RABGAP1L: variants seen among roughly 807,000 people sequenced by gnomAD.
RABGAP1L encodes rab GTPase-activating protein 1-like.
RABGAP1L carries 63 observed loss-of-function variants against 137.7 expected under a neutral mutation model. The ratio of observed to expected loss-of-function variants is 0.46; its 90% CI spans 0.37 to 0.56. RABGAP1L has a LOEUF of 0.56. Ranked by LOEUF, RABGAP1L falls within the 20% of genes least tolerant of loss-of-function variation. RABGAP1L has a pLI of 0.00. For synonymous variants in RABGAP1L, 431 were observed against 433.7 expected (o/e 0.99, Z 0.08); for missense variants, 1,095 against 1,244.0 (o/e 0.88, Z 1.80).
intron 13 of RABGAP1L, chr1:174,544,896 AC>A: frequency 5.0e-6 from 1 of 200,092 alleles, no homozygotes; most frequent in South Asian, 7.1e-5. Context: ...CCTGGGTATC[AC>A]CAGTGGAAGC....
At chr1:174,534,427 T>C (rs1004460923) in intron 13 of RABGAP1L, among the ~76,000 whole-genome samples, 1 of 151,966 alleles carries the variant, frequency 6.6e-6, no homozygotes, top group African/African-American at 2.4e-5. Context: ...CCTATGATGG[T>C]TTAATTTATA....
At chr1:174,718,837 C>CTTTT (rs11337437) in intron 17 of RABGAP1L, among the ~76,000 whole-genome samples, 19 of 106,406 alleles carry the variant, frequency 1.8e-4, no homozygotes, top group Admixed American at 1.4e-3. Context: ...TTTTCTTTTC[C>CTTTT]TTTTTTTTTT....
At chr1:174,454,675 G>A (rs1376994368) in intron 13 of RABGAP1L, among the ~76,000 whole-genome samples, 6 of 150,612 alleles carry the variant, frequency 4.0e-5, no homozygotes, top group African/African-American at 9.8e-5. Flanking sequence ...TCAGCCTCCC[G>A]AGTAGCTGAG....
At chr1:174,283,461 G>A (rs1344699868) in intron 10 of RABGAP1L, among the ~76,000 whole-genome samples, 2 of 151,698 alleles carry the variant, frequency 1.3e-5, no homozygotes, top group Non-Finnish European at 2.9e-5. Context: ...GACTGAGAAT[G>A]CCTGAATATG....
chr1:174,338,182 C>T (rs1436919922), intron 11 of RABGAP1L, among the ~76,000 whole-genome samples: 1 of 152,106 alleles, frequency 6.6e-6, no homozygotes, highest in African/African-American at 2.4e-5. Context: ...TGAATTTTCT[C>T]CCCTGTGATT....
intron 20 of RABGAP1L, among the ~76,000 whole-genome samples, chr1:174,959,794 A>G (rs993833195): frequency 6.6e-6 from 1 of 152,174 alleles, no homozygotes; most frequent in Non-Finnish European, 1.5e-5. Flanking sequence ...TACATCTTCA[A>G]GGTGGCAGTC....
intron 18 of RABGAP1L, among the ~76,000 whole-genome samples, chr1:174,782,408 A>G (rs1443304847): frequency 2.0e-5 from 3 of 152,134 alleles, no homozygotes; most frequent in Non-Finnish European, 4.4e-5. Flanking sequence ...ATTTTTGTAC[A>G]TTGATTTTGT....
chr1:174,925,354 CAAAAAAAA>C (rs545791515), intron 19 of RABGAP1L, among the ~76,000 whole-genome samples: 1 of 54,782 alleles, frequency 1.8e-5, no homozygotes, highest in Non-Finnish European at 3.8e-5. Flanking sequence ...GACTCCGTCT[CAAAAAAAA>C]AAAAAAAAAA....
intron 19 of RABGAP1L, among the ~76,000 whole-genome samples, chr1:174,827,018 G>A (rs1691629770): frequency 6.6e-6 from 1 of 152,210 alleles, no homozygotes; most frequent in African/African-American, 2.4e-5. Flanking sequence ...GATGTTGGCA[G>A]GGTTGATTTC....
intron 13 of RABGAP1L, among the ~76,000 whole-genome samples, chr1:174,528,130 A>G (rs1207218870): frequency 6.6e-6 from 1 of 151,912 alleles, no homozygotes; most frequent in African/African-American, 2.4e-5. Flanking sequence ...TGAAGAGTTT[A>G]ATTCATTTAT....
intron 13 of RABGAP1L, among the ~76,000 whole-genome samples, chr1:174,549,369 A>G (rs1332418748): frequency 6.6e-6 from 1 of 152,186 alleles, no homozygotes; most frequent in Non-Finnish European, 1.5e-5. Context: ...CTTTCAGAGG[A>G]TGGGAAAGTG....
At chr1:174,874,545 C>T in intron 19 of RABGAP1L, 1 of 945,734 alleles carries the variant, frequency 1.1e-6, no homozygotes, top group Non-Finnish European at 1.3e-6. Flanking sequence ...CACACCACAG[C>T]CCTTGATCTC....
At chr1:174,161,337 G>A (rs976355072) in intron 1 of RABGAP1L, among the ~76,000 whole-genome samples, 2 of 151,880 alleles carry the variant, frequency 1.3e-5, no homozygotes, top group African/African-American at 4.8e-5. Context: ...CCGCCTCCCG[G>A]GTTCAAGCGA....
chr1:174,218,305 T>G (rs1319935381), intron 1 of RABGAP1L, among the ~76,000 whole-genome samples: 1 of 152,146 alleles, frequency 6.6e-6, no homozygotes, highest in African/African-American at 2.4e-5. Flanking sequence ...TACTAGTATG[T>G]AAGCCCCAGA....
chr1:174,778,000 TATTTTTCCAAATTTGATGAAA>T (rs1238831588), intron 18 of RABGAP1L, among the ~76,000 whole-genome samples: 47 of 152,182 alleles, frequency 3.1e-4, no homozygotes, highest in African/African-American at 1.1e-3. Context: ...TAATGGCTGA[TATTTTTCCAAATTTGATGAAA>T]ATTTTTCCAA....
intron 7 of RABGAP1L, among the ~76,000 whole-genome samples, chr1:174,263,328 C>A (rs145811292): frequency 2.0e-4 from 30 of 152,368 alleles, no homozygotes; most frequent in Middle Eastern, 6.8e-3. Flanking sequence ...AAGGACCCAA[C>A]TTCCACGTTA....
chr1:174,924,418 A>G (rs896829673), intron 19 of RABGAP1L, among the ~76,000 whole-genome samples: 1 of 150,868 alleles, frequency 6.6e-6, no homozygotes, highest in Admixed American at 6.6e-5. Flanking sequence ...AGAGAGATAC[A>G]AAGTACTACT....
chr1:174,984,631 A>G (rs951775513), intron 24 of RABGAP1L, among the ~76,000 whole-genome samples: 9 of 152,082 alleles, frequency 5.9e-5, no homozygotes, highest in African/African-American at 2.2e-4. Context: ...AATCTCAGCT[A>G]CTCTGGAGGC....
rs559495473 is a variant in RABGAP1L, at chr1:174,339,598, G to T, written c.1466-31381G>T. On this transcript the variant is annotated intron_variant, in intron 11 of 25. Coordinates refer to ENST00000681986, the MANE Select transcript of RABGAP1L (RefSeq NM_001366446.1). ...TTCAGTGTTGTTAATACTGTTTGAA[G>T]GCAATTTTATCTAATTTTTTTTTTT... Among the ~76,000 whole-genome samples, 132 of 151,034 alleles carry T rather than the reference G, an allele frequency of 8.7e-4. 2 individuals carry two copies. The Middle Eastern group carries it at 0.014, about 16-fold the overall frequency.
Sources: gnomAD v4.1 joint callset for allele counts (sites outside exome capture counted in the v4.1 genomes callset) on GRCh38, gnomAD v4.1.1 for gene constraint, MANE v1.5 for transcripts, NCBI Gene and HGNC (gene_info 2026-07-23, HGNC 2026-07-21) for gene names.